GLT8D2: variants seen among roughly 807,000 people sequenced by gnomAD.
GLT8D2 encodes glycosyltransferase 8 domain containing 2.
In GLT8D2, 45 loss-of-function variants were observed where a neutral mutation model predicts 44.5. The ratio of observed to expected loss-of-function variants is 1.01; its 90% CI spans 0.80 to 1.30. The LOEUF is 1.30. Among genes scored for constraint, GLT8D2 ranks in the 50% most tolerant of loss-of-function variants. GLT8D2 has a pLI of 0.00. For synonymous variants in GLT8D2, 156 were observed against 157.2 expected, an observed-to-expected ratio of 0.99 and a Z score of 0.06; for missense variants, 400 against 430.4, an observed-to-expected ratio of 0.93 and a Z score of 0.62.
chr12:104,033,027 A>C (rs896951782), intron 1 of GLT8D2, among the ~76,000 whole-genome samples: 1 of 152,030 alleles, frequency 6.6e-6, no homozygotes, highest in Admixed American at 6.6e-5. Flanking sequence ...ATACAGGTGC[A>C]CATCACCATG....
At chr12:104,050,817 A>C (rs1015314867), upstream of GLT8D2, among the ~76,000 whole-genome samples, 2 of 66,280 alleles carry the variant, frequency 3.0e-5, no homozygotes, top group African/African-American at 7.6e-5. Context: ...CTGTAATTTT[A>C]CTTTTTTTTT....
chr12:104,021,930 GAAGAAGAA>G lies in GLT8D2; in HGVS notation c.-163-447_-163-440del, dbSNP rs1877789033. 2.5e-3 allele frequency among the ~76,000 whole-genome samples: 62 copies of G among 24,726 alleles called. 1 individual carries two copies. The highest frequency in any genetic ancestry group is 7.8e-3 in the South Asian group (4 of 514). 16.2% of individuals were successfully genotyped at this position (24,726 alleles called of 152,430 possible). ...AGAAGAAGAAGAAGAAGAAGAAGAA[GAAGAAGAA>G]GAAGAAGAAGAAGAAGAGGAAGAAG... On this transcript the variant is annotated intron_variant, in intron 1 of 10. Transcript: ENST00000360814.
At chr12:104,022,411 T>C (rs1319532574) in intron 1 of GLT8D2, among the ~76,000 whole-genome samples, 5 of 152,254 alleles carry the variant, frequency 3.3e-5, no homozygotes, top group African/African-American at 1.2e-4. Context: ...TTATACACGA[T>C]TAAAGTAATT....
At chr12:104,017,482 C>G (rs1331341723) in intron 3 of GLT8D2, among the ~76,000 whole-genome samples, 1 of 152,110 alleles carries the variant, frequency 6.6e-6, no homozygotes, top group Non-Finnish European at 1.5e-5. Context: ...ACCACCATGC[C>G]TGGCTAATTT....
At chr12:104,047,756 G>A (rs1881328892) in intron 1 of GLT8D2, among the ~76,000 whole-genome samples, 1 of 152,192 alleles carries the variant, frequency 6.6e-6, no homozygotes, top group Non-Finnish European at 1.5e-5. Context: ...CAAACCTTCA[G>A]ACCATAGCAC....
intron 1 of GLT8D2, among the ~76,000 whole-genome samples, chr12:104,034,057 G>A (rs891477493): frequency 2.0e-5 from 3 of 152,056 alleles, no homozygotes; most frequent in African/African-American, 7.2e-5. Context: ...TCTTATTTGA[G>A]AACTAATATT....
At chr12:104,010,414 A>G (rs571343322) in intron 4 of GLT8D2, among the ~76,000 whole-genome samples, 5 of 152,306 alleles carry the variant, frequency 3.3e-5, no homozygotes, top group Admixed American at 2.6e-4. Flanking sequence ...TGCAGTACTG[A>G]CATCAGATCC....
chr12:103,997,646 G>T, intron 6 of GLT8D2, 111 bp from the exon 7 acceptor site: 1 of 745,420 alleles, frequency 1.3e-6, no homozygotes. Context: ...CTCCAGGTTT[G>T]GAGCGGAATA....
intron 4 of GLT8D2, among the ~76,000 whole-genome samples, chr12:104,004,737 C>G (rs1874736937): frequency 6.6e-6 from 1 of 152,124 alleles, no homozygotes; most frequent in Admixed American, 6.6e-5. Context: ...AAAGAGGACA[C>G]AAACAAATGG....
At chr12:104,042,243 T>G (rs762585433) in intron 1 of GLT8D2, among the ~76,000 whole-genome samples, 6 of 152,240 alleles carry the variant, frequency 3.9e-5, no homozygotes, top group Non-Finnish European at 8.8e-5. Context: ...TTTTCCTTTC[T>G]GGATGAAGTG....
At chr12:104,013,853 C>T (rs190514881) in intron 4 of GLT8D2, among the ~76,000 whole-genome samples, 70 of 152,310 alleles carry the variant, frequency 4.6e-4, no homozygotes, top group African/African-American at 1.6e-3. Flanking sequence ...GTGATCCTCT[C>T]ATTCCAGCTC....
rs140708067 is a variant in GLT8D2, at chr12:104,016,421, G to A, written c.20-1316C>T. On this transcript the variant is annotated intron_variant, in intron 3 of 10. Coordinates refer to ENST00000360814, the MANE Select transcript of GLT8D2 (RefSeq NM_001384711.1). ...GGAGGCCAAGGCAGGTGGATCACTGGAGGCCAGGAGTTTGAGACCAGCCTG... is the reference window on the plus strand; with the variant it reads ...GGAGGCCAAGGCAGGTGGATCACTGAAGGCCAGGAGTTTGAGACCAGCCTG... Among the ~76,000 whole-genome samples the A allele has an allele frequency of 1.9e-3, 295 of 152,112 alleles. 1 individual carries two copies. The highest frequency in any genetic ancestry group is 6.9e-3 in the African/African-American group (287 of 41,478).
intron 1 of GLT8D2, among the ~76,000 whole-genome samples, chr12:104,060,311 C>G (rs1882532455): frequency 6.6e-6 from 1 of 152,178 alleles, no homozygotes; most frequent in Non-Finnish European, 1.5e-5. Context: ...TCCAAACTCT[C>G]CTCCTAGGTT....
chr12:103,999,173 A>G (rs112128055), intron 6 of GLT8D2, among the ~76,000 whole-genome samples: 1 of 152,180 alleles, frequency 6.6e-6, no homozygotes, highest in East Asian at 1.9e-4. Context: ...CATTTTTTTA[A>G]TGCTTCACTT....
chr12:103,990,693 C>T (rs1285104338), intron 10 of GLT8D2, among the ~76,000 whole-genome samples: 3 of 152,148 alleles, frequency 2.0e-5, no homozygotes, highest in Non-Finnish European at 4.4e-5. Context: ...ATAAACATAG[C>T]TGTGACGGCA....
intron 1 of GLT8D2, among the ~76,000 whole-genome samples, chr12:104,042,278 G>A (rs1880643371): frequency 6.6e-6 from 1 of 152,174 alleles, no homozygotes; most frequent in African/African-American, 2.4e-5. Context: ...CTCCTGCCTT[G>A]CATGGGGCCA....
chr12:104,053,062 A>G (rs1368701727), upstream of GLT8D2, among the ~76,000 whole-genome samples: 1 of 152,196 alleles, frequency 6.6e-6, no homozygotes, highest in Non-Finnish European at 1.5e-5. Flanking sequence ...CTTCTGGCTC[A>G]GGGTTTCCCA....
chr12:104,061,333 G>GT (rs1041674487), intron 1 of GLT8D2, among the ~76,000 whole-genome samples: 5 of 152,058 alleles, frequency 3.3e-5, no homozygotes, highest in African/African-American at 1.2e-4. Flanking sequence ...TCATAGACTA[G>GT]TTTTTTTAAA....
Position 104,030,721 on chromosome 12 carries a change from G to C in GLT8D2, c.-163-9230C>G, listed in dbSNP as rs7314696. On this transcript the variant is annotated intron_variant, in intron 1 of 10. Coordinates refer to ENST00000360814, the MANE Select transcript of GLT8D2 (RefSeq NM_001384711.1). ...AAACAAATAACTTGATTTAAAAATA[G>C]GCAAAGGACTCCGGAATCTGCTAAT... 11,037 of 1,611,334 alleles carry C rather than the reference G, an allele frequency of 6.8e-3. 679 individuals carry two copies. In the African/African-American group the frequency reaches 0.13, roughly 19 times the overall value.
Sources: allele counts gnomAD v4.1 joint callset (sites outside exome capture counted in the v4.1 genomes callset), GRCh38; gene constraint gnomAD v4.1.1; transcripts MANE v1.5; gene names NCBI Gene and HGNC (gene_info 2026-07-23, HGNC 2026-07-21).